Variants in NFIC observed in about 807,000 individuals in gnomAD.
The protein encoded by NFIC is nuclear factor I C.
Under a neutral mutation model 54.4 loss-of-function variants are expected in NFIC, and 12 were observed. The observed-to-expected ratio is 0.22, with a 90% CI of 0.14 to 0.36. The LOEUF (loss-of-function observed/expected upper bound fraction) is 0.36. Ranked by LOEUF, NFIC falls within the 10% of genes least tolerant of loss-of-function variation. The probability of loss-of-function intolerance (pLI) is 1.00; values close to 1 mark genes in which losing one functional copy is unlikely to be tolerated. For synonymous variants in NFIC, 322 were observed against 319.2 expected, an observed-to-expected ratio of 1.01 and a Z score of -0.09; for missense variants, 575 against 718.2, an observed-to-expected ratio of 0.80 and a Z score of 2.28.
At chr19:3,425,625 A>G (rs983317393) in intron 3 of NFIC, among the ~76,000 whole-genome samples, 8 of 151,320 alleles carry the variant, frequency 5.3e-5, no homozygotes, top group Non-Finnish European at 1.0e-4. Context: ...ACACCCGGCT[A>G]ATTTTTGTAT....
intron 2 of NFIC, among the ~76,000 whole-genome samples, chr19:3,420,880 G>T (rs181674336): frequency 6.6e-6 from 1 of 152,012 alleles, no homozygotes. Context: ...CCACCACCAC[G>T]CCCAGCTAAT....
intron 2 of NFIC, among the ~76,000 whole-genome samples, chr19:3,419,367 G>A (rs1373291515): frequency 2.6e-5 from 4 of 151,940 alleles, no homozygotes; most frequent in Non-Finnish European, 5.9e-5. Context: ...CCAATTACTC[G>A]ACAGTCTGAG....
At chr19:3,385,578 T>TTTG (rs929511477) in intron 2 of NFIC, among the ~76,000 whole-genome samples, 43 of 148,626 alleles carry the variant, frequency 2.9e-4, no homozygotes, top group African/African-American at 8.2e-4. Flanking sequence ...TTGTTGTTTT[T>TTTG]TTTTTTTTTT....
At position 3,464,865 on chromosome 19, in the gene NFIC, C is replaced by T. The variant is rs1390630419; in HGVS notation, c.*2096C>T. Reference sequence around the variant, plus strand: ...GGGGATCAAAGCGTGGGCCGCTCTCCGGGAGGGCGGGCGGGGGAGGGGGTG... The same window carrying T: ...GGGGATCAAAGCGTGGGCCGCTCTCTGGGAGGGCGGGCGGGGGAGGGGGTG... On this transcript the variant is annotated 3_prime_UTR_variant, in exon 11 of 11. Transcript: ENST00000443272. The T allele has an allele frequency of 5.3e-6, 1 of 188,908 alleles. No individual in the cohort carries two copies. Among genetic ancestry groups the T allele is most frequent in the Non-Finnish European group, 9.3e-6 (1 of 107,952 alleles). 11.7% of individuals were successfully genotyped at this position (188,908 alleles called of 1,614,324 possible).
At chr19:3,442,703 T>C (rs981871952) in intron 6 of NFIC, among the ~76,000 whole-genome samples, 1 of 152,016 alleles carries the variant, frequency 6.6e-6, no homozygotes, top group African/African-American at 2.4e-5. Flanking sequence ...TCCCTTTTTT[T>C]AACCCCAGGG....
At chr19:3,391,371 C>T (rs1568415846) in intron 2 of NFIC, among the ~76,000 whole-genome samples, 1 of 152,170 alleles carries the variant, frequency 6.6e-6, no homozygotes, top group Non-Finnish European at 1.5e-5. Flanking sequence ...ATATCTATGG[C>T]CGGCTGTGGT....
At chr19:3,398,339 A>C (rs552011475) in intron 2 of NFIC, among the ~76,000 whole-genome samples, 13 of 152,290 alleles carry the variant, frequency 8.5e-5, no homozygotes, top group African/African-American at 3.1e-4. Flanking sequence ...CGCCAGCTGC[A>C]TACCAGGCCT....
chr19:3,377,366 C>T (rs1379268333), intron 1 of NFIC, among the ~76,000 whole-genome samples: 1 of 135,088 alleles, frequency 7.4e-6, no homozygotes, highest in Admixed American at 7.7e-5. Flanking sequence ...AATCCAATAG[C>T]AATATAAGTT....
In NFIC at chr19:3,452,453, G is replaced by A; in HGVS notation, c.1085-29G>A. The stretch of plus-strand genomic sequence containing the variant: ...AGAGCAGACCGGCTGGAGCCCCCAA[G>A]TAACCCCCGCTTCCCACTGTCTCCG... On this transcript the variant is annotated intron_variant, in intron 7 of 10. Coordinates refer to ENST00000443272, the MANE Select transcript of NFIC (RefSeq NM_001245002.2). The surrounding 1 kb of genome is among the most constrained non-coding windows in gnomAD (Gnocchi z 5.3). The A allele has an allele frequency of 1.9e-6, 3 of 1,607,012 alleles. No individual in the cohort carries two copies. Among genetic ancestry groups the A allele is most frequent in the Non-Finnish European group, 2.5e-6 (3 of 1,179,098 alleles).
chr19:3,372,059 C>A (rs1259746762), intron 1 of NFIC, among the ~76,000 whole-genome samples: 1 of 147,246 alleles, frequency 6.8e-6, no homozygotes, highest in Non-Finnish European at 1.5e-5. Flanking sequence ...CTTGCACTGT[C>A]GCCCAGGCTG....
chr19:3,382,097 A>G lies in NFIC; in HGVS notation c.416A>G (p.Lys139Arg). Residue 139 changes from lysine to arginine, a missense_variant, in exon 2 of 11, where the codon AAG becomes AGG. Lys to Arg is a conservative substitution (Grantham distance 26). Coordinates refer to ENST00000443272, the MANE Select transcript of NFIC (RefSeq NM_001245002.2). ...RLDLVMVILF[K>R]GIPLESTDGE... ...GACCTGGTCATGGTCATCCTGTTCA[A>G]GGGCATCCCGCTGGAGAGCACCGAC... 1 of 1,613,312 alleles carries G rather than the reference A, an allele frequency of 6.2e-7. No individual in the cohort carries two copies. Among genetic ancestry groups the G allele is most frequent in the Non-Finnish European group, 8.5e-7 (1 of 1,179,950 alleles).
rs1485326749 is a variant in NFIC at position 3,464,147 on chromosome 19, G to A, written c.*1378G>A. 1 of 985,052 alleles carries A rather than the reference G, an allele frequency of 1.0e-6. No individual in the cohort carries two copies. Among genetic ancestry groups the A allele is most frequent in the African/African-American group, 1.8e-5 (1 of 57,056 alleles). The allele number at this position is 985,052 out of a possible 1,614,324, so 61.0% of individuals were successfully genotyped here. A position where few individuals can be genotyped will look rare whatever the true frequency, so the allele number is the denominator to read the frequency against. On this transcript the variant is annotated 3_prime_UTR_variant, in exon 11 of 11. Coordinates refer to ENST00000443272, the MANE Select transcript of NFIC (RefSeq NM_001245002.2). ...CCTCCCTGGTGCCTCCCAGCGAAGGGGGACCGCCGTTTGCACTTTCATCGC... is the reference window on the plus strand; with the variant it reads ...CCTCCCTGGTGCCTCCCAGCGAAGGAGGACCGCCGTTTGCACTTTCATCGC...
rs1248613076 is a variant in NFIC, at chr19:3,434,267, C to A, written c.710-10C>A. 6.2e-7 allele frequency: 1 copy of A among 1,605,634 alleles called. No homozygotes were observed. Among genetic ancestry groups the A allele is most frequent in the East Asian group, 2.2e-5 (1 of 44,806 alleles). Reference sequence around the variant, plus strand: ...CTTCCTGCCTCACTCTCCTCTGTCACCCTCTGCAGCACCCGTGGTGACTGG... The same window carrying A: ...CTTCCTGCCTCACTCTCCTCTGTCAACCTCTGCAGCACCCGTGGTGACTGG... On this transcript the variant is annotated splice_polypyrimidine_tract_variant and intron_variant, in intron 4 of 10. Coordinates refer to ENST00000443272, the MANE Select transcript of NFIC (RefSeq NM_001245002.2).
intron 6 of NFIC, among the ~76,000 whole-genome samples, chr19:3,436,573 C>T (rs560438262): frequency 3.5e-4 from 53 of 151,826 alleles, no homozygotes; most frequent in Non-Finnish European, 7.2e-4. Flanking sequence ...CTCCTGAGTT[C>T]AAGCAATTCT....
Position 3,382,192 on chromosome 19 carries a change from G to T in NFIC, c.511G>T (p.Val171Leu). Residue 171 changes from valine (V) to leucine (L), a missense_variant, in exon 2 of 11, where the codon GTG (valine) becomes TTG (leucine). Val to Leu is a conservative substitution (Grantham distance 32). This residue lies in a region of NFIC where 447 missense variants were observed against 526.9 expected (regional missense o/e 0.85). Coordinates refer to ENST00000443272, the MANE Select transcript of NFIC (RefSeq NM_001245002.2). ...VLCVQPHHIG[V>L]AVKELDLYLA... The stretch of plus-strand genomic sequence containing the variant: ...GTGCGTGCAGCCGCACCACATTGGC[G>T]TGGCCGTCAAGGAGCTGGACCTCTA... 6.2e-7 allele frequency: 1 copy of T among 1,610,326 alleles called. No homozygotes were observed. Among genetic ancestry groups the T allele is most frequent in the Non-Finnish European group, 8.5e-7 (1 of 1,179,856 alleles).
At chr19:3,393,450 C>T (rs2081407288) in intron 2 of NFIC, among the ~76,000 whole-genome samples, 1 of 152,098 alleles carries the variant, frequency 6.6e-6, no homozygotes, top group African/African-American at 2.4e-5. Flanking sequence ...GAATTTCTTC[C>T]ACTGGGGCCC....
At position 3,441,988 on chromosome 19, in the gene NFIC, G is replaced by A. The variant is rs2082301202; in HGVS notation, c.958+6781G>A. ...GATTAGAGCAGCTCTCCCTTCCTCTGGCGGACTCGGGGCCTTTTCTCCCGG... is the reference window on the plus strand; with the variant it reads ...GATTAGAGCAGCTCTCCCTTCCTCTAGCGGACTCGGGGCCTTTTCTCCCGG... On this transcript the variant is annotated intron_variant, in intron 6 of 10. Transcript: ENST00000443272. 2.0e-5 allele frequency among the ~76,000 whole-genome samples: 3 copies of A among 152,182 alleles called. No individual in the cohort carries two copies. The South Asian group carries it at 6.2e-4, about 31-fold the overall frequency.
At chr19:3,360,371 C>G (rs2080795106) in intron 1 of NFIC, among the ~76,000 whole-genome samples, 1 of 150,660 alleles carries the variant, frequency 6.6e-6, no homozygotes, top group African/African-American at 2.4e-5. Flanking sequence ...CGCGGGGTCC[C>G]CAGCTGGGAG....
chr19:3,382,284 G>T (rs1225567595), intron 2 of NFIC, 41 bp downstream of exon 2: 15 of 1,576,050 alleles, frequency 9.5e-6, no homozygotes, highest in Non-Finnish European at 1.3e-5. Flanking sequence ...AGCGGGGAGG[G>T]TGTCTGATGG....
Sources: allele counts gnomAD v4.1 joint callset (sites outside exome capture counted in the v4.1 genomes callset), GRCh38; gene constraint gnomAD v4.1.1; regional missense constraint gnomAD v4.1.1; non-coding constraint Gnocchi (gnomAD v3.1); transcripts MANE v1.5; gene names NCBI Gene and HGNC (gene_info 2026-07-23, HGNC 2026-07-21).